EYS: variants seen among roughly 807,000 people sequenced by gnomAD.
EYS encodes the protein protein eyes shut homolog.
In EYS, 250 loss-of-function variants were observed where a neutral mutation model predicts 282.1. That is an observed-to-expected ratio of 0.89 (90% CI 0.80 to 0.98). The LOEUF is 0.98. EYS is among the 50% of genes least tolerant of loss of function. The pLI, the probability that EYS is intolerant of heterozygous loss-of-function variation, is 0.00. For missense variants in EYS, 4,016 were observed against 3,709.0 expected (o/e 1.08, Z -2.15); for synonymous variants, 1,355 against 1,282.9 (o/e 1.06, Z -1.20).
intron 29 of EYS, among the ~76,000 whole-genome samples, chr6:64,360,462 T>A (rs1272328035): frequency 6.6e-6 from 1 of 151,724 alleles, no homozygotes; most frequent in African/African-American, 2.4e-5. Context: ...ACCTACCTCT[T>A]GGGCTAGACC....
At chr6:64,259,017 A>G (rs1258398276) in intron 30 of EYS, among the ~76,000 whole-genome samples, 1 of 152,088 alleles carries the variant, frequency 6.6e-6, no homozygotes, top group East Asian at 1.9e-4. Context: ...CCTTCTGAGA[A>G]CAGAGGCCCC....
At chr6:65,185,698 T>C (rs1765501604) in intron 12 of EYS, among the ~76,000 whole-genome samples, 1 of 151,820 alleles carries the variant, frequency 6.6e-6, no homozygotes, top group Admixed American at 6.6e-5. Context: ...TTTTTGTTTT[T>C]TCTTAGGAGA....
At chr6:64,706,483 ACT>A (rs1771021707) in intron 22 of EYS, among the ~76,000 whole-genome samples, 1 of 152,070 alleles carries the variant, frequency 6.6e-6, no homozygotes, top group Non-Finnish European at 1.5e-5. Context: ...AAACTAAAAA[ACT>A]CTGCACTGCA....
chr6:63,943,049 G>A (rs1490247989), intron 35 of EYS, among the ~76,000 whole-genome samples: 1 of 152,158 alleles, frequency 6.6e-6, no homozygotes, highest in South Asian at 2.1e-4. Context: ...TTATGTTATT[G>A]GTGTGGTTTC....
At chr6:65,431,671 C>T (rs935944754) in intron 5 of EYS, among the ~76,000 whole-genome samples, 9 of 151,942 alleles carry the variant, frequency 5.9e-5, no homozygotes, top group South Asian at 2.1e-4. Context: ...TCATGATCAC[C>T]GGCTGTTCTA....
intron 35 of EYS, among the ~76,000 whole-genome samples, chr6:63,865,685 TG>T (rs1322909327): frequency 6.6e-6 from 1 of 152,192 alleles, no homozygotes; most frequent in Non-Finnish European, 1.5e-5. Flanking sequence ...CCCAGCTATC[TG>T]TATGGTTTCT....
At chr6:63,808,167 T>G (rs1451696649) in intron 36 of EYS, among the ~76,000 whole-genome samples, 3 of 152,112 alleles carry the variant, frequency 2.0e-5, no homozygotes, top group African/African-American at 7.2e-5. Context: ...GTCAATACAT[T>G]TATTCAGCTG....
intron 29 of EYS, among the ~76,000 whole-genome samples, chr6:64,349,545 G>C (rs947897560): frequency 1.3e-5 from 2 of 151,208 alleles, no homozygotes; most frequent in African/African-American, 2.4e-5. Context: ...TACTAGGTAA[G>C]AGTTAATGAT....
rs568522686 is a variant in EYS at position 64,926,509 on chromosome 6, T to C, written c.2382-13766A>G. On this transcript the variant is annotated intron_variant, in intron 15 of 42. Coordinates refer to ENST00000503581, the MANE Select transcript of EYS (RefSeq NM_001142800.2). ...TTGGTTGGGACAAGGATCTCCGTTATAGCCTGGATTGCCCAGCTTCCCAGT... is the reference window on the plus strand; with the variant it reads ...TTGGTTGGGACAAGGATCTCCGTTACAGCCTGGATTGCCCAGCTTCCCAGT... 6.6e-5 allele frequency among the ~76,000 whole-genome samples: 10 copies of C among 152,332 alleles called. No homozygotes were observed. In the South Asian group the frequency reaches 2.1e-3, roughly 32 times the overall value.
intron 29 of EYS, among the ~76,000 whole-genome samples, chr6:64,310,041 A>C (rs1769616781): frequency 6.7e-6 from 1 of 148,918 alleles, no homozygotes; most frequent in Non-Finnish European, 1.5e-5. Flanking sequence ...CACCAGTCCA[A>C]ATGGCTATTT....
At chr6:65,092,099 G>A (rs539893993) in intron 12 of EYS, among the ~76,000 whole-genome samples, 19 of 152,126 alleles carry the variant, frequency 1.2e-4, no homozygotes, top group South Asian at 1.2e-3. Context: ...TGTGTAAGAA[G>A]ATGTACATTA....
At chr6:64,083,491 G>A (rs1017420366) in intron 31 of EYS, among the ~76,000 whole-genome samples, 1 of 152,060 alleles carries the variant, frequency 6.6e-6, no homozygotes, top group Non-Finnish European at 1.5e-5. Flanking sequence ...CCTCTCCTAA[G>A]GTTAGCTGCT....
chr6:64,960,361 A>T (rs1769870161), intron 14 of EYS, among the ~76,000 whole-genome samples: 1 of 152,196 alleles, frequency 6.6e-6, no homozygotes, highest in South Asian at 2.1e-4. Context: ...TTCAAATGTT[A>T]AGACAAAAAT....
chr6:65,490,675 G>C lies in EYS; in HGVS notation c.781C>G (p.Gln261Glu). Residue 261 changes from glutamine (Q) to glutamate (E), a missense_variant, in exon 5 of 43, where the codon CAA (glutamine) becomes GAA (glutamate). Transcript: ENST00000503581. ...KNCSEIIGQC[Q>E]PHVCFHGNCS... ...TTTCCATGGAAACAGACATGTGGTT[G>C]ACACTGGCCAATTATTTCTGAGCAA... The C allele has an allele frequency of 6.2e-7, 1 of 1,612,396 alleles. No individual in the cohort carries two copies. The highest frequency in any genetic ancestry group is 8.5e-7 in the Non-Finnish European group (1 of 1,178,836).
intron 12 of EYS, among the ~76,000 whole-genome samples, chr6:65,153,363 ATGTG>A (rs67661407): frequency 0.19 from 25,570 of 135,516 alleles, 2,413 homozygotes; most frequent in South Asian, 0.25. Flanking sequence ...GAGATCATAA[ATGTG>A]TGTGTGTGTG....
chr6:64,391,907 C>T (rs1389840103), intron 28 of EYS, among the ~76,000 whole-genome samples: 4 of 151,900 alleles, frequency 2.6e-5, no homozygotes, highest in Non-Finnish European at 5.9e-5. Flanking sequence ...CACACATAGG[C>T]TCAAAATAAA....
intron 5 of EYS, among the ~76,000 whole-genome samples, chr6:65,428,496 T>A (rs548131372): frequency 6.7e-6 from 1 of 149,174 alleles, no homozygotes; most frequent in East Asian, 2.0e-4. Context: ...ATAGTCACTG[T>A]CATTAAACTC....
At chr6:65,657,857 T>C (rs548916736) in intron 1 of EYS, among the ~76,000 whole-genome samples, 5 of 151,876 alleles carry the variant, frequency 3.3e-5, no homozygotes, top group African/African-American at 1.2e-4. Context: ...TGTATCAAAC[T>C]TTATTGTTGT....
At chr6:63,771,767 C>G (rs1014576661) in intron 40 of EYS, among the ~76,000 whole-genome samples, 2 of 152,088 alleles carry the variant, frequency 1.3e-5, no homozygotes, top group Non-Finnish European at 2.9e-5. Flanking sequence ...TATTTTCCAG[C>G]TACTTAAATA....
Sources: gnomAD v4.1 joint callset for allele counts (sites outside exome capture counted in the v4.1 genomes callset) on GRCh38, gnomAD v4.1.1 for gene constraint, MANE v1.5 for transcripts, NCBI Gene and HGNC (gene_info 2026-07-23, HGNC 2026-07-21) for gene names.